Variants in TMEM135 observed in about 807,000 individuals in gnomAD.
TMEM135 encodes the protein transmembrane protein 135, also known as peroxisomal membrane protein 52.
In TMEM135, 30 loss-of-function variants were observed where a neutral mutation model predicts 60.3. That is an observed-to-expected ratio of 0.50 (90% CI 0.37 to 0.68). The LOEUF is 0.68. Ranked by LOEUF, TMEM135 falls within the 30% of genes least tolerant of loss-of-function variation. The probability of loss-of-function intolerance (pLI) is 0.00; values close to 1 mark genes in which losing one functional copy is unlikely to be tolerated. For synonymous variants in TMEM135, 190 were observed against 186.7 expected (o/e 1.02, Z -0.14); for missense variants, 468 against 548.8 (o/e 0.85, Z 1.47).
chr11:87,286,359 G>A (rs930319255), intron 6 of TMEM135, among the ~76,000 whole-genome samples: 7 of 152,062 alleles, frequency 4.6e-5, no homozygotes, highest in Admixed American at 6.5e-5. Flanking sequence ...CATGAACCCC[G>A]AGCTAGACAC....
chr11:87,192,308 A>G (rs1939827309), intron 5 of TMEM135, among the ~76,000 whole-genome samples: 1 of 151,918 alleles, frequency 6.6e-6, no homozygotes, highest in Non-Finnish European at 1.5e-5. Flanking sequence ...ATTTATGTAG[A>G]TGTCTGTCTT....
intron 5 of TMEM135, among the ~76,000 whole-genome samples, chr11:87,233,504 A>G (rs1247955723): frequency 1.3e-5 from 2 of 152,092 alleles, no homozygotes; most frequent in African/African-American, 2.4e-5. Context: ...TTGGGTGAAT[A>G]TGTTTATTAT....
rs1317623832 is a variant in TMEM135, at chr11:87,325,956, C to G, written c.*4623C>G. On this transcript the variant is annotated 3_prime_UTR_variant, in exon 15 of 15. Coordinates refer to ENST00000305494, the MANE Select transcript of TMEM135 (RefSeq NM_022918.4). Reference sequence around the variant, plus strand: ...AATGTATTGGGTTTTATCTTTTGTCCCAGCAGACCTGAAAATCCCAGTATA... The same window carrying G: ...AATGTATTGGGTTTTATCTTTTGTCGCAGCAGACCTGAAAATCCCAGTATA... 1 of 453,742 alleles carries G rather than the reference C, an allele frequency of 2.2e-6. No individual in the cohort carries two copies. Among genetic ancestry groups the G allele is most frequent in the Non-Finnish European group, 4.4e-6 (1 of 226,784 alleles). The allele number at this position is 453,742 out of a possible 1,614,324, so 28.1% of individuals were successfully genotyped here. A position where few individuals can be genotyped will look rare whatever the true frequency, so the allele number is the denominator to read the frequency against.
intron 4 of TMEM135, among the ~76,000 whole-genome samples, chr11:87,145,306 C>G (rs922048364): frequency 6.6e-6 from 1 of 152,150 alleles, no homozygotes; most frequent in Non-Finnish European, 1.5e-5. Context: ...AAATACCTCA[C>G]CTTTTCTTTA....
At chr11:87,135,625 C>T (rs28822396) in intron 4 of TMEM135, among the ~76,000 whole-genome samples, 19,521 of 151,606 alleles carry the variant, frequency 0.13, 1,330 homozygotes, top group Middle Eastern at 0.15. Context: ...CCAAACCATG[C>T]GGTCTTGATA....
chr11:87,071,085 T>C (rs1489135839), intron 2 of TMEM135, among the ~76,000 whole-genome samples: 4 of 152,220 alleles, frequency 2.6e-5, no homozygotes, highest in African/African-American at 9.6e-5. Flanking sequence ...AGGGAATGCC[T>C]GAATGAATGT....
chr11:87,079,412 A>C (rs1565431827), intron 3 of TMEM135, among the ~76,000 whole-genome samples: 1 of 152,260 alleles, frequency 6.6e-6, no homozygotes, highest in East Asian at 1.9e-4. Context: ...TTAAGTTTTA[A>C]ATTTCATTTT....
chr11:87,114,544 C>T (rs1857830275), intron 4 of TMEM135, among the ~76,000 whole-genome samples: 1 of 152,118 alleles, frequency 6.6e-6, no homozygotes, highest in Non-Finnish European at 1.5e-5. Context: ...ACATTTGGAA[C>T]ATACTTGTAG....
intron 5 of TMEM135, among the ~76,000 whole-genome samples, chr11:87,219,169 T>C (rs556618753): frequency 6.6e-6 from 1 of 152,292 alleles, no homozygotes; most frequent in South Asian, 2.1e-4. Flanking sequence ...TAGAAGCAGT[T>C]TGAGTACTGG....
At chr11:87,310,932 A>T (rs1942629648) in intron 10 of TMEM135, among the ~76,000 whole-genome samples, 1 of 152,010 alleles carries the variant, frequency 6.6e-6, no homozygotes, top group Admixed American at 6.6e-5. Flanking sequence ...CTAATGAATT[A>T]AGGACATTAA....
intron 6 of TMEM135, among the ~76,000 whole-genome samples, chr11:87,268,764 A>C (rs1015968224): frequency 1.3e-5 from 2 of 151,822 alleles, no homozygotes; most frequent in Non-Finnish European, 2.9e-5. Flanking sequence ...GCTTGTGGAA[A>C]CCTGATTAGA....
chr11:87,096,095 G>T, intron 4 of TMEM135: 2 of 198,904 alleles, frequency 1.0e-5, no homozygotes, highest in South Asian at 6.2e-5. Flanking sequence ...AGCACCACAT[G>T]GTGTCTCCTT....
intron 6 of TMEM135, among the ~76,000 whole-genome samples, chr11:87,248,905 A>T (rs1941354354): frequency 6.6e-6 from 1 of 152,084 alleles, no homozygotes; most frequent in African/African-American, 2.4e-5. Context: ...TTTATTTTTC[A>T]GAATGTTCAT....
At chr11:87,198,656 T>A (rs1431564162) in intron 5 of TMEM135, among the ~76,000 whole-genome samples, 2 of 150,738 alleles carry the variant, frequency 1.3e-5, no homozygotes, top group African/African-American at 2.4e-5. Context: ...CTTTTCCCTG[T>A]TTCCTCCTTC....
chr11:87,098,059 C>A (rs1203883288), intron 4 of TMEM135, among the ~76,000 whole-genome samples: 1 of 152,000 alleles, frequency 6.6e-6, no homozygotes. Context: ...TAGAACAGTA[C>A]CTAAAATGTA....
intron 10 of TMEM135, among the ~76,000 whole-genome samples, chr11:87,311,420 G>T (rs985906305): frequency 6.6e-6 from 1 of 151,930 alleles, no homozygotes; most frequent in African/African-American, 2.4e-5. Context: ...ATTGGTAATT[G>T]CATGTTTATA....
intron 6 of TMEM135, among the ~76,000 whole-genome samples, chr11:87,238,867 T>C (rs1460762691): frequency 6.6e-6 from 1 of 152,070 alleles, no homozygotes; most frequent in African/African-American, 2.4e-5. Context: ...GTAAATTTTC[T>C]TTTTCGTGAA....
intron 4 of TMEM135, among the ~76,000 whole-genome samples, chr11:87,150,504 C>T (rs917429811): frequency 3.3e-5 from 5 of 152,094 alleles, no homozygotes; most frequent in African/African-American, 9.7e-5. Context: ...TATGGTAATA[C>T]ATAAATTTTG....
intron 5 of TMEM135, among the ~76,000 whole-genome samples, chr11:87,223,023 A>T (rs956432322): frequency 3.9e-5 from 6 of 152,164 alleles, no homozygotes; most frequent in African/African-American, 1.4e-4. Context: ...TACACAACAC[A>T]ATTGATAGGT....
Sources: gnomAD v4.1 joint callset for allele counts (sites outside exome capture counted in the v4.1 genomes callset) on GRCh38, gnomAD v4.1.1 for gene constraint, MANE v1.5 for transcripts, NCBI Gene and HGNC (gene_info 2026-07-23, HGNC 2026-07-21) for gene names.